The following PHF14 variants were observed in gnomAD, a reference collection of about 807,000 sequenced individuals.
PHF14 encodes PHD finger protein 14.
A neutral mutation model predicts 117.9 loss-of-function variants in PHF14; 55 were observed. That is an observed-to-expected ratio of 0.47 (90% CI 0.38 to 0.58). The LOEUF (loss-of-function observed/expected upper bound fraction) is 0.58. Ranked by LOEUF, PHF14 falls within the 20% of genes least tolerant of loss-of-function variation. The pLI is 0.00. For synonymous variants in PHF14, 409 were observed against 368.6 expected (o/e 1.11, Z -1.26); for missense variants, 978 against 1,122.2 (o/e 0.87, Z 1.84).
At chr7:10,981,927 T>C (rs764100241) in intron 2 of PHF14, among the ~76,000 whole-genome samples, 11 of 152,286 alleles carry the variant, frequency 7.2e-5, no homozygotes, top group Admixed American at 6.5e-5. Context: ...TTATCTTGTT[T>C]TGGTTTTGAC....
At chr7:10,997,996 A>G (rs1355764075) in intron 4 of PHF14, among the ~76,000 whole-genome samples, 1 of 152,192 alleles carries the variant, frequency 6.6e-6, no homozygotes, top group Non-Finnish European at 1.5e-5. Context: ...GAGGCTGCCT[A>G]CCACATGTGC....
intron 4 of PHF14, among the ~76,000 whole-genome samples, chr7:11,000,903 C>T (rs113158788): frequency 0.015 from 2,292 of 152,000 alleles, 46 homozygotes; most frequent in African/African-American, 0.053. Flanking sequence ...TTGTTTATTA[C>T]GCTTTTGGTC....
chr7:11,102,718 CAGT>C, intron 16 of PHF14: 1 of 1,394,464 alleles, frequency 7.2e-7, no homozygotes, highest in South Asian at 1.8e-5. Flanking sequence ...ACTAACAAGG[CAGT>C]AGATTTGCCT....
chr7:10,979,971 A>C (rs762940647), intron 2 of PHF14, among the ~76,000 whole-genome samples: 1 of 152,128 alleles, frequency 6.6e-6, no homozygotes, highest in Non-Finnish European at 1.5e-5. Context: ...AAACATTAAA[A>C]ATTTTTTAAA....
intron 16 of PHF14, among the ~76,000 whole-genome samples, chr7:11,082,177 C>G (rs1056800171): frequency 1.3e-5 from 2 of 151,766 alleles, no homozygotes; most frequent in Non-Finnish European, 2.9e-5. Flanking sequence ...GACCTTGTCT[C>G]TAATAAAATT....
At chr7:11,153,351 C>T (rs530958831) in intron 17 of PHF14, among the ~76,000 whole-genome samples, 1 of 152,206 alleles carries the variant, frequency 6.6e-6, no homozygotes, top group South Asian at 2.1e-4. Context: ...TGTGTTTGAA[C>T]AACTGAGTCT....
chr7:10,996,353 C>G (rs1185484409), intron 4 of PHF14, among the ~76,000 whole-genome samples: 2 of 152,048 alleles, frequency 1.3e-5, no homozygotes, highest in African/African-American at 4.8e-5. Flanking sequence ...ACTTATCAGC[C>G]TGAAGATGTT....
At chr7:11,095,947 C>G (rs1000836859) in intron 16 of PHF14, among the ~76,000 whole-genome samples, 1 of 151,944 alleles carries the variant, frequency 6.6e-6, no homozygotes, top group Non-Finnish European at 1.5e-5. Flanking sequence ...TATAGAAGGT[C>G]AGCTTTGGGG....
At chr7:11,102,246 A>G (rs1295009240) in intron 16 of PHF14, among the ~76,000 whole-genome samples, 1 of 151,880 alleles carries the variant, frequency 6.6e-6, no homozygotes, top group Non-Finnish European at 1.5e-5. Flanking sequence ...GACAACCAAA[A>G]GTAATAATAA....
At chr7:11,019,175 A>G (rs1053502682) in intron 5 of PHF14, among the ~76,000 whole-genome samples, 1 of 152,072 alleles carries the variant, frequency 6.6e-6, no homozygotes, top group Non-Finnish European at 1.5e-5. Context: ...TGTTCATCAG[A>G]GATACTGGCC....
chr7:10,989,740 C>A (rs1782376483), intron 3 of PHF14, among the ~76,000 whole-genome samples: 1 of 152,142 alleles, frequency 6.6e-6, no homozygotes, highest in African/African-American at 2.4e-5. Context: ...AAGTGATCTT[C>A]CCGCCTTAGC....
intron 7 of PHF14, among the ~76,000 whole-genome samples, chr7:11,033,544 A>T (rs1179705970): frequency 1.3e-5 from 2 of 152,180 alleles, no homozygotes; most frequent in Non-Finnish European, 2.9e-5. Context: ...GCTGGATCAG[A>T]TAGTTTCTAG....
At chr7:11,149,958 T>C (rs1788660332) in intron 17 of PHF14, among the ~76,000 whole-genome samples, 1 of 152,144 alleles carries the variant, frequency 6.6e-6, no homozygotes, top group African/African-American at 2.4e-5. Context: ...TACTTTTACT[T>C]TAACTTGAAT....
intron 16 of PHF14, among the ~76,000 whole-genome samples, chr7:11,075,658 C>A (rs563057751): frequency 1.3e-5 from 2 of 148,560 alleles, no homozygotes; most frequent in South Asian, 2.2e-4. Flanking sequence ...GCACCTCCAA[C>A]ACTGGAAGTC....
In PHF14 at chr7:11,152,915, C is replaced by T. The variant is rs145207039; in HGVS notation, c.2773-16501C>T. ...GTTCAGGAATCAGAGGGAAGAGCAGCATGTTTGGAGCCAGGTGAGGAAACT... is the reference window on the plus strand; with the variant it reads ...GTTCAGGAATCAGAGGGAAGAGCAGTATGTTTGGAGCCAGGTGAGGAAACT... On this transcript the variant is annotated intron_variant, in intron 17 of 17. Transcript: ENST00000634607. Among the ~76,000 whole-genome samples, 167 of 152,238 alleles carry T rather than the reference C, an allele frequency of 1.1e-3. 1 individual carries two copies. The highest frequency in any genetic ancestry group is 3.9e-3 in the African/African-American group (160 of 41,528).
intron 16 of PHF14, chr7:11,111,144 T>C (rs1270810358): frequency 4.5e-6 from 2 of 442,178 alleles, no homozygotes; most frequent in African/African-American, 4.1e-5. Context: ...ATTTTATTGC[T>C]GTTGTATTTT....
At chr7:11,039,971 T>G (rs1784446411) in intron 11 of PHF14, among the ~76,000 whole-genome samples, 1 of 152,148 alleles carries the variant, frequency 6.6e-6, no homozygotes, top group Non-Finnish European at 1.5e-5. Flanking sequence ...ATTTGCAAGT[T>G]TTTCTCATAA....
At chr7:11,063,626 G>T in intron 16 of PHF14, 1 of 974,534 alleles carries the variant, frequency 1.0e-6, no homozygotes, top group Non-Finnish European at 1.2e-6. Flanking sequence ...ATTGATTGAG[G>T]CCTTTTTGCT....
At chr7:11,135,946 A>G (rs1388575235) in intron 17 of PHF14, among the ~76,000 whole-genome samples, 1 of 152,202 alleles carries the variant, frequency 6.6e-6, no homozygotes, top group Non-Finnish European at 1.5e-5. Flanking sequence ...AAAACTGATA[A>G]AGAATTAATA....
Sources: allele counts gnomAD v4.1 joint callset (sites outside exome capture counted in the v4.1 genomes callset), GRCh38; gene constraint gnomAD v4.1.1; transcripts MANE v1.5; gene names NCBI Gene and HGNC (gene_info 2026-07-23, HGNC 2026-07-21).